The following TRIM36 variants were observed in gnomAD, a reference collection of about 807,000 sequenced individuals.
TRIM36 encodes the protein E3 ubiquitin-protein ligase TRIM36.
TRIM36 carries 42 observed loss-of-function variants against 72.4 expected under a neutral mutation model. The observed-to-expected ratio is 0.58, with a 90% CI of 0.45 to 0.75. The LOEUF (loss-of-function observed/expected upper bound fraction) is 0.75, where lower values mean the gene tolerates loss of function less well. TRIM36 is among the 30% of genes least tolerant of loss of function. The pLI, the probability that TRIM36 is intolerant of heterozygous loss-of-function variation, is 0.00. For missense variants in TRIM36, 913 were observed against 857.1 expected (o/e 1.07, Z -0.81); for synonymous variants, 315 against 282.8 (o/e 1.11, Z -1.14).
intron 4 of TRIM36, among the ~76,000 whole-genome samples, chr5:115,143,908 T>C (rs1245319987): frequency 6.6e-6 from 1 of 152,142 alleles, no homozygotes; most frequent in Non-Finnish European, 1.5e-5. Flanking sequence ...TCTCACTCTG[T>C]CACCCAGGCT....
intron 5 of TRIM36, among the ~76,000 whole-genome samples, chr5:115,138,433 G>A (rs1331738157): frequency 6.6e-6 from 1 of 152,016 alleles, no homozygotes; most frequent in Non-Finnish European, 1.5e-5. Context: ...TCTAAAATAT[G>A]ACATTCTTTA....
chr5:115,152,538 C>T (rs887097628), intron 2 of TRIM36, among the ~76,000 whole-genome samples: 3 of 152,234 alleles, frequency 2.0e-5, no homozygotes, highest in Middle Eastern at 3.4e-3. Context: ...GGAAATTCAT[C>T]GCAAAAAGAT....
At chr5:115,155,833 G>A (rs1754150756) in intron 2 of TRIM36, among the ~76,000 whole-genome samples, 2 of 151,912 alleles carry the variant, frequency 1.3e-5, no homozygotes, top group Admixed American at 1.3e-4. Context: ...GACATAAATG[G>A]CAACCAAATC....
At position 115,158,070 on chromosome 5, in the gene TRIM36, T is replaced by G. The variant is rs746625422; in HGVS notation, c.262+5448A>C. Among the ~76,000 whole-genome samples the G allele has an allele frequency of 4.6e-5, 7 of 152,032 alleles. 1 individual carries two copies. Among genetic ancestry groups the G allele is most frequent in the South Asian group, 4.1e-4 (2 of 4,824 alleles). ...TCTCACAAATCACCACTGAAGAACT[T>G]ACTCATGTAACCAAACACCATCTGT... On this transcript the variant is annotated intron_variant, in intron 2 of 9. Coordinates refer to ENST00000513154, the MANE Select transcript of TRIM36 (RefSeq NM_001300759.2).
rs555469685 is a variant in TRIM36 at position 115,127,267 on chromosome 5, C to T, written c.1797-410G>A. 1.1e-3 allele frequency among the ~76,000 whole-genome samples: 173 copies of T among 152,276 alleles called. 1 individual carries two copies. Among genetic ancestry groups the T allele is most frequent in the South Asian group, 4.4e-3 (21 of 4,826 alleles). On this transcript the variant is annotated intron_variant, in intron 9 of 9. Coordinates refer to ENST00000513154, the MANE Select transcript of TRIM36 (RefSeq NM_001300759.2). ...GTGGTCCCGTAAGACTATAATGAAACTAAAATATTTCAGTTGGGTGCAGTG... is the reference window on the plus strand; with the variant it reads ...GTGGTCCCGTAAGACTATAATGAAATTAAAATATTTCAGTTGGGTGCAGTG...
At chr5:115,152,433 T>A (rs1482087557) in intron 2 of TRIM36, among the ~76,000 whole-genome samples, 3 of 152,006 alleles carry the variant, frequency 2.0e-5, no homozygotes, top group African/African-American at 7.2e-5. Context: ...AATCTAAAAG[T>A]TTGGAAAACA....
At chr5:115,135,910 A>T (rs1752941763) in intron 7 of TRIM36, among the ~76,000 whole-genome samples, 1 of 152,204 alleles carries the variant, frequency 6.6e-6, no homozygotes, top group Admixed American at 6.5e-5. Context: ...TTAATGTACA[A>T]ATCTACAAAT....
At chr5:115,153,823 CA>C (rs1321885213) in intron 2 of TRIM36, 1 of 152,212 alleles carries the variant, frequency 6.6e-6, no homozygotes, top group Non-Finnish European at 1.5e-5. Flanking sequence ...TTCCTTGGAA[CA>C]AATGGACCTA....
chr5:115,151,480 G>C (rs563929718), intron 2 of TRIM36, among the ~76,000 whole-genome samples: 1 of 152,144 alleles, frequency 6.6e-6, no homozygotes, highest in Admixed American at 6.5e-5. Flanking sequence ...ATATAATCTT[G>C]GGAGTTCTAG....
At chr5:115,143,524 T>A (rs1319218494) in intron 4 of TRIM36, among the ~76,000 whole-genome samples, 1 of 151,430 alleles carries the variant, frequency 6.6e-6, no homozygotes, top group Non-Finnish European at 1.5e-5. Flanking sequence ...ACTGACCTAG[T>A]AGTGAAACAG....
chr5:115,129,323 G>A (rs895224074), intron 9 of TRIM36, among the ~76,000 whole-genome samples: 10 of 152,218 alleles, frequency 6.6e-5, no homozygotes, highest in African/African-American at 2.2e-4. Context: ...AGCACTTTGG[G>A]AGGCTGAGGC....
chr5:115,169,898 C>T lies in TRIM36; in HGVS notation c.-264G>A. 1 of 1,294,644 alleles carries T rather than the reference C, an allele frequency of 7.7e-7. No homozygotes were observed. Among genetic ancestry groups the T allele is most frequent in the Non-Finnish European group, 9.8e-7 (1 of 1,020,400 alleles). The allele number at this position is 1,294,644 out of a possible 1,614,324, so 80.2% of individuals were successfully genotyped here. On this transcript the variant is annotated 5_prime_UTR_variant, in exon 1 of 10. Transcript: ENST00000513154. ...CAGCTGCCGGCTGCAGCAGCGGCTC[C>T]TGCGGACTGCGGCTGGGAACGGCGC...
intron 1 of TRIM36, among the ~76,000 whole-genome samples, chr5:115,166,884 A>G (rs1006381172): frequency 6.6e-6 from 1 of 151,974 alleles, no homozygotes; most frequent in Non-Finnish European, 1.5e-5. Flanking sequence ...CACAGCAAGG[A>G]GCCGGCGCCC....
intron 4 of TRIM36, among the ~76,000 whole-genome samples, chr5:115,143,956 C>T (rs373323486): frequency 2.6e-5 from 4 of 152,000 alleles, no homozygotes; most frequent in Admixed American, 1.3e-4. Flanking sequence ...CTGCAAGCTC[C>T]GCCTCCTGGG....
At chr5:115,167,320 C>T (rs1234528781) in intron 1 of TRIM36, among the ~76,000 whole-genome samples, 1 of 152,210 alleles carries the variant, frequency 6.6e-6, no homozygotes, top group African/African-American at 2.4e-5. Flanking sequence ...TCTGACATGT[C>T]CTGGAGACAT....
At chr5:115,180,140 C>A (rs1347908288) in exon 1 of TRIM36, 2 of 1,136,854 alleles carry the variant, frequency 1.8e-6, no homozygotes, top group East Asian at 5.1e-5. Context: ...CCGAGCTCCC[C>A]GCCCATAAGC....
At chr5:115,145,619 T>G (rs912781002) in intron 3 of TRIM36, among the ~76,000 whole-genome samples, 3 of 152,116 alleles carry the variant, frequency 2.0e-5, no homozygotes, top group Admixed American at 6.5e-5. Context: ...CTCCACCTCC[T>G]GGGTTCAAGC....
intron 4 of TRIM36, among the ~76,000 whole-genome samples, chr5:115,143,919 G>C (rs546067083): frequency 6.6e-6 from 1 of 152,046 alleles, no homozygotes; most frequent in Admixed American, 6.6e-5. Context: ...CACCCAGGCT[G>C]GAGTGCAGTG....
chr5:115,128,079 T>C (rs565241253), intron 9 of TRIM36, among the ~76,000 whole-genome samples: 6 of 101,632 alleles, frequency 5.9e-5, no homozygotes, highest in African/African-American at 2.0e-4. Flanking sequence ...AACAAGGCTA[T>C]AAAAAAAATT....
Sources: allele counts gnomAD v4.1 joint callset (sites outside exome capture counted in the v4.1 genomes callset), GRCh38; gene constraint gnomAD v4.1.1; transcripts MANE v1.5; gene names NCBI Gene and HGNC (gene_info 2026-07-23, HGNC 2026-07-21).